UBASH3B: variants seen among roughly 807,000 people sequenced by gnomAD.
UBASH3B encodes ubiquitin associated and SH3 domain containing B.
A neutral mutation model predicts 83.4 loss-of-function variants in UBASH3B; 37 were observed. The observed-to-expected ratio is 0.44, with a 90% CI of 0.34 to 0.58. UBASH3B has a LOEUF of 0.58. Ranked by LOEUF, UBASH3B falls within the 20% of genes least tolerant of loss-of-function variation. The probability of loss-of-function intolerance (pLI) is 0.01; values close to 1 mark genes in which losing one functional copy is unlikely to be tolerated. For synonymous variants in UBASH3B, 304 were observed against 318.3 expected, an observed-to-expected ratio of 0.96 and a Z score of 0.48; for missense variants, 657 against 827.2, an observed-to-expected ratio of 0.79 and a Z score of 2.52.
intron 1 of UBASH3B, among the ~76,000 whole-genome samples, chr11:122,665,409 TCTCAAA>T (rs1157675124): frequency 6.6e-6 from 1 of 152,112 alleles, no homozygotes; most frequent in Admixed American, 6.6e-5. Flanking sequence ...CCCAGGCTTG[TCTCAAA>T]CTCCTGGGCT....
In UBASH3B at chr11:122,776,281, G is replaced by A; in HGVS notation, c.215+9G>A. On this transcript the variant is annotated intron_variant, in intron 2 of 13. Transcript: ENST00000284273. Reference sequence around the variant, plus strand: ...CAGGCAGCATGTGACTGGTTGGTATGAGATAAATAAATTGAGAAAATAGCA... The same window carrying A: ...CAGGCAGCATGTGACTGGTTGGTATAAGATAAATAAATTGAGAAAATAGCA... 1 of 1,601,238 alleles carries A rather than the reference G, an allele frequency of 6.2e-7. No homozygotes were observed. Among genetic ancestry groups the A allele is most frequent in the Non-Finnish European group, 8.5e-7 (1 of 1,175,194 alleles).
At chr11:122,764,545 C>T (rs1268787332) in intron 1 of UBASH3B, among the ~76,000 whole-genome samples, 1 of 152,266 alleles carries the variant, frequency 6.6e-6, no homozygotes, top group Non-Finnish European at 1.5e-5. Context: ...ACTGCTTCCC[C>T]TCCTTGGCTT....
Position 122,779,577 on chromosome 11 carries a change from G to A in UBASH3B, c.483G>A (p.Pro161=), listed in dbSNP as rs367550478. The A allele has an allele frequency of 1.8e-5, 29 of 1,614,154 alleles. No individual in the cohort carries two copies. The highest frequency in any genetic ancestry group is 1.7e-4 in the African/African-American group (13 of 75,042). ...GCTGGAAATGTAAGTTCTCGGCCCC[G>A]CTGCCCCTGGAGCTCTATACGTCGT... ...VSRWKCKFSA[P]LPLELYTSSN... Residue 161 remains proline, a synonymous_variant, in exon 4 of 14, where the codon CCG becomes CCA. Coordinates refer to ENST00000284273, the MANE Select transcript of UBASH3B (RefSeq NM_032873.5).
At chr11:122,712,911 T>G (rs1166399511) in intron 1 of UBASH3B, among the ~76,000 whole-genome samples, 2 of 128,720 alleles carry the variant, frequency 1.6e-5, no homozygotes. Flanking sequence ...TTTTTTTTTT[T>G]TTTTTTTTTT....
intron 1 of UBASH3B, among the ~76,000 whole-genome samples, chr11:122,750,118 G>A (rs1475058281): frequency 6.6e-6 from 1 of 152,208 alleles, no homozygotes; most frequent in Non-Finnish European, 1.5e-5. Flanking sequence ...AAATAGCAGA[G>A]CCAAGGCTCA....
intron 1 of UBASH3B, among the ~76,000 whole-genome samples, chr11:122,775,004 G>T (rs1860709139): frequency 1.3e-5 from 2 of 151,946 alleles, no homozygotes; most frequent in Non-Finnish European, 2.9e-5. Context: ...TCCCTCCATG[G>T]CACTTAACAT....
At chr11:122,763,403 C>T (rs1430061947) in intron 1 of UBASH3B, among the ~76,000 whole-genome samples, 1 of 152,178 alleles carries the variant, frequency 6.6e-6, no homozygotes, top group African/African-American at 2.4e-5. Context: ...CTGCTAACCA[C>T]CCCCTAAGGA....
At chr11:122,673,024 A>G (rs1023027400) in intron 1 of UBASH3B, among the ~76,000 whole-genome samples, 7 of 152,318 alleles carry the variant, frequency 4.6e-5, no homozygotes, top group Non-Finnish European at 1.0e-4. Flanking sequence ...GAATTGAGCA[A>G]TGGCCTTAGG....
chr11:122,753,478 T>C (rs1037670191), intron 1 of UBASH3B, among the ~76,000 whole-genome samples: 2 of 145,524 alleles, frequency 1.4e-5, no homozygotes, highest in African/African-American at 5.2e-5. Context: ...ATCCCTGAGT[T>C]TCTTTATCTT....
chr11:122,788,830 G>A (rs981883684), intron 5 of UBASH3B, among the ~76,000 whole-genome samples: 2 of 152,120 alleles, frequency 1.3e-5, no homozygotes, highest in Non-Finnish European at 2.9e-5. Flanking sequence ...TTCCAAAAAC[G>A]ATACTTGAAT....
At chr11:122,681,678 T>G (rs1863741032) in intron 1 of UBASH3B, among the ~76,000 whole-genome samples, 1 of 144,378 alleles carries the variant, frequency 6.9e-6, no homozygotes, top group Non-Finnish European at 1.5e-5. Flanking sequence ...TCATATGCAT[T>G]CTTCTGTACA....
chr11:122,680,323 G>C (rs1271959739), intron 1 of UBASH3B, among the ~76,000 whole-genome samples: 1 of 152,152 alleles, frequency 6.6e-6, no homozygotes, highest in Non-Finnish European at 1.5e-5. Context: ...AAAGGCACGG[G>C]GAAGGACACC....
intron 9 of UBASH3B, among the ~76,000 whole-genome samples, chr11:122,798,088 G>T (rs775682210): frequency 9.2e-5 from 14 of 152,106 alleles, no homozygotes; most frequent in Middle Eastern, 3.2e-3. Context: ...GTTCGAGGCT[G>T]CACTGAGGTA....
intron 1 of UBASH3B, among the ~76,000 whole-genome samples, chr11:122,680,753 G>A (rs1347349088): frequency 2.6e-5 from 4 of 152,194 alleles, no homozygotes; most frequent in African/African-American, 4.8e-5. Context: ...GTGAGCCACC[G>A]TGCCTGTCTG....
chr11:122,695,260 G>A (rs924929251), intron 1 of UBASH3B, among the ~76,000 whole-genome samples: 19 of 152,176 alleles, frequency 1.2e-4, no homozygotes, highest in African/African-American at 3.4e-4. Context: ...CACCGCGCCC[G>A]GCCCACTGGT....
At position 122,655,893 on chromosome 11, in the gene UBASH3B, C is replaced by T. The variant is rs7128198; in HGVS notation, c.-157C>T. The stretch of plus-strand genomic sequence containing the variant: ...GGCCTCACCAGGAAGCGTCAGAGTC[C>T]CGACACTGGGGAAGCTCGGAGCGCC... On this transcript the variant is annotated 5_prime_UTR_variant, in exon 1 of 14. Transcript: ENST00000284273. 0.35 allele frequency: 278,409 copies of T among 799,660 alleles called. 50,303 individuals are homozygous for T. Among genetic ancestry groups the T allele is most frequent in the Non-Finnish European group, 0.37 (201,917 of 549,972 alleles). 49.5% of individuals were successfully genotyped at this position (799,660 alleles called of 1,614,324 possible).
At chr11:122,712,900 T>G (rs1333418678) in intron 1 of UBASH3B, among the ~76,000 whole-genome samples, 2 of 79,564 alleles carry the variant, frequency 2.5e-5, no homozygotes, top group East Asian at 2.9e-4. Context: ...TGGGTGGTTT[T>G]TTTTTTTTTT....
At chr11:122,684,794 C>T (rs1863787971) in intron 1 of UBASH3B, among the ~76,000 whole-genome samples, 1 of 152,156 alleles carries the variant, frequency 6.6e-6, no homozygotes, top group Non-Finnish European at 1.5e-5. Context: ...GACGGGATTT[C>T]TCCATGTTGG....
chr11:122,769,730 G>A lies in UBASH3B; in HGVS notation c.162-6489G>A, dbSNP rs73615993. On this transcript the variant is annotated intron_variant, in intron 1 of 13. Transcript: ENST00000284273. The stretch of plus-strand genomic sequence containing the variant: ...CCCCAAAAGAATACCTCCATCTTCC[G>A]TTGTGGCAACAATGACCACTGTGTG... Among the ~76,000 whole-genome samples, 403 of 152,318 alleles carry A rather than the reference G, an allele frequency of 2.6e-3. 1 individual carries two copies. The highest frequency in any genetic ancestry group is 8.8e-3 in the African/African-American group (367 of 41,574).
Sources: allele counts gnomAD v4.1 joint callset (sites outside exome capture counted in the v4.1 genomes callset), GRCh38; gene constraint gnomAD v4.1.1; transcripts MANE v1.5; gene names NCBI Gene and HGNC (gene_info 2026-07-23, HGNC 2026-07-21).